Variants in FRMD4A observed in about 807,000 individuals in gnomAD.
The protein encoded by FRMD4A is FERM domain-containing protein 4A.
Under a neutral mutation model 129.1 loss-of-function variants are expected in FRMD4A, and 29 were observed. The ratio of observed to expected loss-of-function variants is 0.22; its 90% CI spans 0.17 to 0.31. The LOEUF (loss-of-function observed/expected upper bound fraction) is 0.31, where lower values mean the gene tolerates loss of function less well. Among genes scored for constraint, FRMD4A ranks in the 10% least tolerant of loss-of-function variants. The pLI is 1.00. For missense variants in FRMD4A, 1,272 were observed against 1,375.8 expected, an observed-to-expected ratio of 0.92 and a Z score of 1.19; for synonymous variants, 634 against 571.6, an observed-to-expected ratio of 1.11 and a Z score of -1.56.
chr10:14,254,046 A>G (rs796124529), intron 2 of FRMD4A, among the ~76,000 whole-genome samples: 6 of 152,272 alleles, frequency 3.9e-5, no homozygotes, highest in African/African-American at 1.4e-4. Context: ...GGCTTCTGTG[A>G]TGCTCACTGG....
At chr10:13,965,520 T>C (rs929429277) in intron 2 of FRMD4A, among the ~76,000 whole-genome samples, 1 of 152,226 alleles carries the variant, frequency 6.6e-6, no homozygotes, top group African/African-American at 2.4e-5. Flanking sequence ...TATAATGTTT[T>C]CTTTATTGAA....
chr10:14,161,592 A>G (rs1029556270), intron 2 of FRMD4A, among the ~76,000 whole-genome samples: 1 of 152,240 alleles, frequency 6.6e-6, no homozygotes, highest in African/African-American at 2.4e-5. Flanking sequence ...ATTCTCACTC[A>G]TATGTGGGAA....
At chr10:14,251,958 T>C (rs954450248) in intron 2 of FRMD4A, among the ~76,000 whole-genome samples, 4 of 152,214 alleles carry the variant, frequency 2.6e-5, no homozygotes, top group African/African-American at 9.7e-5. Context: ...CTTATTATGA[T>C]GATTATTAAA....
At chr10:14,155,721 G>T (rs1840562903) in intron 2 of FRMD4A, among the ~76,000 whole-genome samples, 1 of 152,186 alleles carries the variant, frequency 6.6e-6, no homozygotes, top group Non-Finnish European at 1.5e-5. Context: ...TTTAAAAAAT[G>T]AAAGTAAATG....
At chr10:13,768,101 T>TGTGTGTGTGC (rs979850789) in intron 6 of FRMD4A, among the ~76,000 whole-genome samples, 48 of 151,948 alleles carry the variant, frequency 3.2e-4, no homozygotes, top group Non-Finnish European at 4.9e-4. Context: ...TGTGTGTGTG[T>TGTGTGTGTGC]GCGAACGTGC....
chr10:13,961,048 T>A (rs2131359495), intron 2 of FRMD4A, among the ~76,000 whole-genome samples: 1 of 152,300 alleles, frequency 6.6e-6, no homozygotes, highest in Non-Finnish European at 1.5e-5. Context: ...TTACCTTAAT[T>A]GATGACCCCT....
chr10:13,732,178 G>T (rs1220562482), intron 12 of FRMD4A, among the ~76,000 whole-genome samples: 1 of 152,154 alleles, frequency 6.6e-6, no homozygotes, highest in East Asian at 1.9e-4. Context: ...CTAAGCTCCA[G>T]ACTGGTGATT....
intron 5 of FRMD4A, among the ~76,000 whole-genome samples, chr10:13,788,328 T>A (rs1245384592): frequency 6.6e-6 from 1 of 152,160 alleles, no homozygotes; most frequent in Non-Finnish European, 1.5e-5. Context: ...CAGAGCCCGC[T>A]GAAATTATTT....
chr10:14,102,513 C>T (rs556348380), intron 2 of FRMD4A, among the ~76,000 whole-genome samples: 1 of 152,334 alleles, frequency 6.6e-6, no homozygotes, highest in African/African-American at 2.4e-5. Context: ...CTTCATTGCA[C>T]AGGTATGTCA....
intron 2 of FRMD4A, among the ~76,000 whole-genome samples, chr10:13,875,038 G>C (rs2094474950): frequency 6.6e-6 from 1 of 152,176 alleles, no homozygotes; most frequent in South Asian, 2.1e-4. Flanking sequence ...CAGGGAAGGA[G>C]TGATATCTGC....
intron 2 of FRMD4A, among the ~76,000 whole-genome samples, chr10:14,040,913 G>A (rs977882043): frequency 6.6e-6 from 1 of 152,088 alleles, no homozygotes. Context: ...AAGAAGGAAG[G>A]CAAAACGTCT....
chr10:14,015,075 T>G (rs1197728611), intron 2 of FRMD4A, among the ~76,000 whole-genome samples: 1 of 133,908 alleles, frequency 7.5e-6, no homozygotes, highest in Non-Finnish European at 1.6e-5. Context: ...TGTCCTTCCT[T>G]CTCTCTCTCT....
chr10:14,217,834 T>C (rs959823461), intron 2 of FRMD4A, among the ~76,000 whole-genome samples: 1 of 148,956 alleles, frequency 6.7e-6, no homozygotes, highest in Non-Finnish European at 1.5e-5. Flanking sequence ...CTCTCTCTCT[T>C]TTTTTTTTTG....
chr10:14,126,881 C>T (rs1301261933), intron 2 of FRMD4A, among the ~76,000 whole-genome samples: 1 of 152,062 alleles, frequency 6.6e-6, no homozygotes, highest in Non-Finnish European at 1.5e-5. Flanking sequence ...GAGTCATTTG[C>T]AATATGGCAT....
chr10:13,841,524 G>C (rs2093965346), intron 3 of FRMD4A, among the ~76,000 whole-genome samples: 1 of 152,166 alleles, frequency 6.6e-6, no homozygotes, highest in Admixed American at 6.5e-5. Context: ...ACATGGCCAA[G>C]GATTCAGTCA....
chr10:13,943,721 C>T (rs772575546), intron 2 of FRMD4A, among the ~76,000 whole-genome samples: 80 of 146,960 alleles, frequency 5.4e-4, no homozygotes, highest in Non-Finnish European at 1.1e-3. Flanking sequence ...AGTAGACCCA[C>T]ACCAAAGAGT....
intron 2 of FRMD4A, among the ~76,000 whole-genome samples, chr10:14,217,577 C>T (rs1204690118): frequency 1.3e-5 from 2 of 152,126 alleles, no homozygotes; most frequent in South Asian, 2.1e-4. Context: ...ATAAATTGCC[C>T]AGTCCTGGTT....
chr10:14,151,331 T>C (rs991153783), intron 2 of FRMD4A, among the ~76,000 whole-genome samples: 1 of 152,118 alleles, frequency 6.6e-6, no homozygotes, highest in African/African-American at 2.4e-5. Flanking sequence ...TATGCAGACA[T>C]GAAAAAATGA....
rs73583647 is a variant in FRMD4A at position 13,717,062 on chromosome 10, T to C, written c.760-9949A>G. 5.6e-3 allele frequency among the ~76,000 whole-genome samples: 849 copies of C among 152,328 alleles called. 8 individuals are homozygous for C. The highest frequency in any genetic ancestry group is 0.019 in the African/African-American group (810 of 41,574). ...TCCAGTGATTTGGAATATCTGGGTC[T>C]AGCTTTGGTTTTTCTAGCAATGAGC... On this transcript the variant is annotated intron_variant, in intron 12 of 24. Transcript: ENST00000357447.
Sources: gnomAD v4.1 joint callset for allele counts (sites outside exome capture counted in the v4.1 genomes callset) on GRCh38, gnomAD v4.1.1 for gene constraint, MANE v1.5 for transcripts, NCBI Gene and HGNC (gene_info 2026-07-23, HGNC 2026-07-21) for gene names.